MSI2: variants seen among roughly 807,000 people sequenced by gnomAD.
The protein encoded by MSI2 is musashi RNA binding protein 2, also known as RNA-binding protein Musashi homolog 2.
MSI2 carries 17 observed loss-of-function variants against 45.6 expected under a neutral mutation model. The observed-to-expected ratio is 0.37, with a 90% CI of 0.26 to 0.56. MSI2 has a LOEUF of 0.56. MSI2 is among the 20% of genes least tolerant of loss of function. MSI2 has a pLI of 0.77. For missense variants in MSI2, 293 were observed against 444.2 expected, an observed-to-expected ratio of 0.66 and a Z score of 3.06; for synonymous variants, 156 against 158.2, an observed-to-expected ratio of 0.99 and a Z score of 0.11.
intron 6 of MSI2, among the ~76,000 whole-genome samples, chr17:57,503,306 A>G (rs146415484): frequency 2.0e-5 from 3 of 152,342 alleles, no homozygotes; most frequent in South Asian, 2.1e-4. Context: ...GTTCTTTACT[A>G]TATCTTCTGC....
intron 5 of MSI2, among the ~76,000 whole-genome samples, chr17:57,309,126 T>C (rs1437557789): frequency 6.6e-6 from 1 of 152,202 alleles, no homozygotes; most frequent in Non-Finnish European, 1.5e-5. Flanking sequence ...GAGAAAGCCT[T>C]TGGAAAGAAA....
chr17:57,441,876 A>T (rs1032236014), intron 6 of MSI2, among the ~76,000 whole-genome samples: 7 of 152,108 alleles, frequency 4.6e-5, no homozygotes, highest in East Asian at 3.9e-4. Flanking sequence ...TTCTTTCATT[A>T]TTATTTCACT....
At chr17:57,476,665 T>G (rs1598312588) in intron 6 of MSI2, among the ~76,000 whole-genome samples, 2 of 152,314 alleles carry the variant, frequency 1.3e-5, no homozygotes, top group East Asian at 3.9e-4. Context: ...TTGCTGTCCC[T>G]TAGGACCTCA....
At chr17:57,533,450 C>T (rs1339838711) in intron 7 of MSI2, among the ~76,000 whole-genome samples, 3 of 152,224 alleles carry the variant, frequency 2.0e-5, no homozygotes, top group East Asian at 1.9e-4. Context: ...ATTCCCTGAC[C>T]TCTGAGCATC....
chr17:57,570,827 C>G (rs551816412), intron 7 of MSI2, among the ~76,000 whole-genome samples: 1 of 152,274 alleles, frequency 6.6e-6, no homozygotes, highest in African/African-American at 2.4e-5. Flanking sequence ...CTGCTGGATC[C>G]TCTCTTATAT....
chr17:57,389,125 T>C (rs1286648144), intron 5 of MSI2, among the ~76,000 whole-genome samples: 1 of 147,138 alleles, frequency 6.8e-6, no homozygotes, highest in Non-Finnish European at 1.5e-5. Flanking sequence ...ACCACGGGCA[T>C]GTGCCACCAC....
chr17:57,387,296 TTGG>T (rs2144058852), intron 5 of MSI2, among the ~76,000 whole-genome samples: 1 of 152,376 alleles, frequency 6.6e-6, no homozygotes, highest in African/African-American at 2.4e-5. Flanking sequence ...TTCTGTTTGA[TTGG>T]TGATATTTTT....
chr17:57,527,488 C>CA (rs1160106996), intron 6 of MSI2, among the ~76,000 whole-genome samples: 2 of 152,194 alleles, frequency 1.3e-5, no homozygotes, highest in African/African-American at 4.8e-5. Flanking sequence ...GAAGCCTGCC[C>CA]AAAAGGAGTT....
chr17:57,492,803 G>T (rs1324543526), intron 6 of MSI2, among the ~76,000 whole-genome samples: 1 of 152,152 alleles, frequency 6.6e-6, no homozygotes, highest in Non-Finnish European at 1.5e-5. Flanking sequence ...TACCATGTTG[G>T]CTAGACTGGT....
At chr17:57,282,989 A>G (rs1909559655) in intron 5 of MSI2, among the ~76,000 whole-genome samples, 1 of 151,954 alleles carries the variant, frequency 6.6e-6, no homozygotes, top group African/African-American at 2.4e-5. Flanking sequence ...TAAAATAACC[A>G]TGTTCACCTT....
chr17:57,388,410 C>T (rs17834140), intron 5 of MSI2, among the ~76,000 whole-genome samples: 5,206 of 152,282 alleles, frequency 0.034, 138 homozygotes, highest in Non-Finnish European at 0.049. Context: ...ATGTGCTTAT[C>T]GCTTCTTATG....
intron 5 of MSI2, among the ~76,000 whole-genome samples, chr17:57,337,324 G>A (rs1319022544): frequency 6.6e-6 from 1 of 152,136 alleles, no homozygotes; most frequent in African/African-American, 2.4e-5. Flanking sequence ...TGCAATCTAG[G>A]ATTGACCCCA....
chr17:57,538,862 C>T (rs965841033), intron 7 of MSI2, among the ~76,000 whole-genome samples: 7 of 152,156 alleles, frequency 4.6e-5, no homozygotes, highest in Non-Finnish European at 8.8e-5. Flanking sequence ...CAAATCTAAG[C>T]TCTGGGACTT....
chr17:57,527,373 A>G (rs1021727085), intron 6 of MSI2, among the ~76,000 whole-genome samples: 1 of 151,876 alleles, frequency 6.6e-6, no homozygotes, highest in Non-Finnish European at 1.5e-5. Flanking sequence ...CTCTGTGTAC[A>G]AACACACCAG....
chr17:57,595,918 C>T (rs1377673231), intron 7 of MSI2, among the ~76,000 whole-genome samples: 1 of 152,172 alleles, frequency 6.6e-6, no homozygotes. Flanking sequence ...AGTAGATGCA[C>T]AGTGAGAAGT....
intron 5 of MSI2, among the ~76,000 whole-genome samples, chr17:57,277,009 G>A (rs1247033139): frequency 6.6e-6 from 1 of 151,818 alleles, no homozygotes; most frequent in Non-Finnish European, 1.5e-5. Context: ...ATCATGTTAG[G>A]GACCTTTCTT....
chr17:57,271,678 T>C (rs923285780), intron 5 of MSI2, among the ~76,000 whole-genome samples: 2 of 151,102 alleles, frequency 1.3e-5, no homozygotes, highest in South Asian at 2.1e-4. Flanking sequence ...CAGGGCTTCA[T>C]CCATACCCTC....
intron 10 of MSI2, among the ~76,000 whole-genome samples, chr17:57,647,075 T>G (rs1042980470): frequency 2.6e-5 from 4 of 151,942 alleles, no homozygotes; most frequent in African/African-American, 9.7e-5. Flanking sequence ...CTATGTTAAC[T>G]CCACTAAAAT....
chr17:57,398,217 G>T (rs1351433033), intron 5 of MSI2, among the ~76,000 whole-genome samples: 1 of 152,102 alleles, frequency 6.6e-6, no homozygotes, highest in East Asian at 1.9e-4. Flanking sequence ...GAATTCTCTG[G>T]GACCACATGA....
Sources: allele counts gnomAD v4.1 joint callset (sites outside exome capture counted in the v4.1 genomes callset), GRCh38; gene constraint gnomAD v4.1.1; transcripts MANE v1.5; gene names NCBI Gene and HGNC (gene_info 2026-07-23, HGNC 2026-07-21).